SHISA6: variants seen among roughly 807,000 people sequenced by gnomAD.
The protein encoded by SHISA6 is shisa family member 6.
Under a neutral mutation model 47.9 loss-of-function variants are expected in SHISA6, and 22 were observed. The observed-to-expected ratio is 0.46, with a 90% CI of 0.33 to 0.66. The LOEUF (loss-of-function observed/expected upper bound fraction) is 0.66. Ranked by LOEUF, SHISA6 falls within the 30% of genes least tolerant of loss-of-function variation. SHISA6 has a pLI of 0.02. For missense variants in SHISA6, 680 were observed against 764.6 expected (o/e 0.89, Z 1.30); for synonymous variants, 388 against 337.8 (o/e 1.15, Z -1.63).
chr17:11,323,559 C>T (rs572407998), intron 2 of SHISA6, among the ~76,000 whole-genome samples: 2 of 152,014 alleles, frequency 1.3e-5, no homozygotes, highest in Non-Finnish European at 2.9e-5. Flanking sequence ...GAGGCTGAGG[C>T]AGGAGAATCT....
At chr17:11,298,568 A>G (rs1302793103) in intron 2 of SHISA6, among the ~76,000 whole-genome samples, 1 of 152,156 alleles carries the variant, frequency 6.6e-6, no homozygotes, top group Non-Finnish European at 1.5e-5. Flanking sequence ...AGGTGATGAC[A>G]AGGAGGGTGT....
chr17:11,499,373 T>C (rs72809039), intron 3 of SHISA6, among the ~76,000 whole-genome samples: 31,293 of 151,760 alleles, frequency 0.21, 3,352 homozygotes, highest in East Asian at 0.32. Context: ...CGTTTTATCC[T>C]CTATGAAGCA....
intron 3 of SHISA6, among the ~76,000 whole-genome samples, chr17:11,487,027 A>C (rs1039621062): frequency 3.9e-5 from 6 of 152,236 alleles, no homozygotes; most frequent in African/African-American, 9.6e-5. Flanking sequence ...GTCACTTTCA[A>C]GCTATCATGG....
intron 2 of SHISA6, among the ~76,000 whole-genome samples, chr17:11,291,269 T>G (rs1234823547): frequency 1.3e-5 from 2 of 151,950 alleles, no homozygotes; most frequent in African/African-American, 4.8e-5. Context: ...GGTGGCTTCT[T>G]GAGACTGGAT....
At position 11,548,440 on chromosome 17, in the gene SHISA6, C is replaced by CATATAT. The variant is rs10578711; in HGVS notation, c.896-3442_896-3437dup. ...AAATGTTATTTATGAATGCATATTT[C>CATATAT]ATATATATATATATATATACATATA... On this transcript the variant is annotated intron_variant, in intron 3 of 5. Transcript: ENST00000441885. 2.2e-3 allele frequency among the ~76,000 whole-genome samples: 329 copies of CATATAT among 148,634 alleles called. 1 individual carries two copies. The highest frequency in any genetic ancestry group is 3.5e-3 in the Middle Eastern group (1 of 282).
chr17:11,525,316 C>A (rs1022885162), intron 3 of SHISA6, among the ~76,000 whole-genome samples: 2 of 152,130 alleles, frequency 1.3e-5, no homozygotes, highest in Non-Finnish European at 2.9e-5. Flanking sequence ...AAAGATGAGG[C>A]ATTCTCCCAG....
chr17:11,319,716 A>T (rs1332290060), intron 2 of SHISA6, among the ~76,000 whole-genome samples: 1 of 152,330 alleles, frequency 6.6e-6, no homozygotes, highest in South Asian at 2.1e-4. Flanking sequence ...CTCTTTGAGG[A>T]TATAAACACT....
Position 11,241,559 on chromosome 17 carries a change from G to C in SHISA6, c.137G>C (p.Arg46Thr). The change falls in exon 1 of 6, where the codon AGG becomes ACG. Residue 46 changes from arginine (R) to threonine (T), a missense_variant. This residue lies in a region of SHISA6 where 121 missense variants were observed against 90.5 expected (regional missense o/e 1.34). Transcript: ENST00000441885. This position sits in a 1 kb window ranked among gnomAD's most constrained non-coding sequence, Gnocchi z 5.5. ...GGCGGCGCTGCCGTCGGGGGCCGGA[G>C]GGCCGGGGGCGCCCTGGCACGGGGC... ...SAGGAAVGGR[R>T]AGGALARGGR... is the part of the protein sequence containing the mutation. 9.2e-7 allele frequency: 1 copy of C among 1,086,602 alleles called. No homozygotes were observed. 67.3% of individuals were successfully genotyped at this position (1,086,602 alleles called of 1,614,324 possible).
At chr17:11,334,562 G>A (rs1220235513) in intron 2 of SHISA6, among the ~76,000 whole-genome samples, 1 of 152,156 alleles carries the variant, frequency 6.6e-6, no homozygotes, top group African/African-American at 2.4e-5. Flanking sequence ...GCATGTCCAG[G>A]TTTTAGGTTT....
At chr17:11,320,859 T>G (rs4392113) in intron 2 of SHISA6, among the ~76,000 whole-genome samples, 1 of 152,028 alleles carries the variant, frequency 6.6e-6, no homozygotes, top group African/African-American at 2.4e-5. Flanking sequence ...ATACCTTGTT[T>G]TCCAGAGAAT....
intron 3 of SHISA6, among the ~76,000 whole-genome samples, chr17:11,513,708 C>G (rs2071560111): frequency 6.6e-6 from 1 of 152,174 alleles, no homozygotes; most frequent in African/African-American, 2.4e-5. Context: ...GCTGTGCAAT[C>G]TATCTGAACT....
Position 11,479,518 on chromosome 17 carries a change from T to A in SHISA6, c.896-72378T>A, listed in dbSNP as rs2142329111. ...GACAAATACCTAATGCCTGCAGGGCTTAAAACCTAGATGACGGGTTGATAG... is the reference window on the plus strand; with the variant it reads ...GACAAATACCTAATGCCTGCAGGGCATAAAACCTAGATGACGGGTTGATAG... On this transcript the variant is annotated intron_variant, in intron 3 of 5. Coordinates refer to ENST00000441885, the MANE Select transcript of SHISA6 (RefSeq NM_207386.4). Among the ~76,000 whole-genome samples the A allele has an allele frequency of 1.3e-5, 2 of 152,114 alleles. 1 individual carries two copies. The highest frequency in any genetic ancestry group is 4.8e-5 in the African/African-American group (2 of 41,496).
chr17:11,418,624 A>G (rs752398553), intron 3 of SHISA6, among the ~76,000 whole-genome samples: 3 of 152,136 alleles, frequency 2.0e-5, no homozygotes, highest in Non-Finnish European at 4.4e-5. Context: ...CTATCTAAAT[A>G]TAAGTTTAGT....
At chr17:11,420,543 T>C (rs1914424632) in intron 3 of SHISA6, among the ~76,000 whole-genome samples, 1 of 152,102 alleles carries the variant, frequency 6.6e-6, no homozygotes, top group Non-Finnish European at 1.5e-5. Flanking sequence ...TAACACCACA[T>C]AGGTCACAGC....
intron 2 of SHISA6, among the ~76,000 whole-genome samples, chr17:11,275,901 G>A (rs1008202230): frequency 1.3e-5 from 2 of 152,096 alleles, no homozygotes; most frequent in African/African-American, 4.8e-5. Context: ...AGGGCTTATA[G>A]CGAGTAGAGA....
chr17:11,496,070 C>T (rs1385848922), intron 3 of SHISA6, among the ~76,000 whole-genome samples: 2 of 152,162 alleles, frequency 1.3e-5, no homozygotes, highest in Non-Finnish European at 2.9e-5. Context: ...CTGTACCAGA[C>T]ACAATACGGT....
intron 1 of SHISA6, among the ~76,000 whole-genome samples, chr17:11,259,048 A>T (rs552130338): frequency 2.0e-5 from 3 of 151,986 alleles, no homozygotes; most frequent in South Asian, 2.1e-4. Context: ...GGATTGATGG[A>T]TAGAGTGTTG....
In SHISA6 at chr17:11,558,737, G is replaced by A. The variant is rs999603026; in HGVS notation, c.*433G>A. 8 of 222,142 alleles carry A rather than the reference G, an allele frequency of 3.6e-5. No individual in the cohort carries two copies. Among genetic ancestry groups the A allele is most frequent in the Non-Finnish European group, 4.5e-5 (5 of 111,462 alleles). The allele number at this position is 222,142 out of a possible 1,614,324, so 13.8% of individuals were successfully genotyped here. On this transcript the variant is annotated 3_prime_UTR_variant, in exon 6 of 6. Transcript: ENST00000441885. The stretch of plus-strand genomic sequence containing the variant: ...AGCGGGTCCAATCAGTGGGCTGACC[G>A]GATAGGCTACTCGGTCTCATTCATT...
chr17:11,357,364 A>G (rs748868685), intron 2 of SHISA6, among the ~76,000 whole-genome samples: 4 of 152,138 alleles, frequency 2.6e-5, no homozygotes, highest in Non-Finnish European at 5.9e-5. Flanking sequence ...AATGTACCCT[A>G]TTTCTAAAAT....
Sources: allele counts gnomAD v4.1 joint callset (sites outside exome capture counted in the v4.1 genomes callset), GRCh38; gene constraint gnomAD v4.1.1; regional missense constraint gnomAD v4.1.1; non-coding constraint Gnocchi (gnomAD v3.1); transcripts MANE v1.5; gene names NCBI Gene and HGNC (gene_info 2026-07-23, HGNC 2026-07-21).